QKI: variants seen among roughly 807,000 people sequenced by gnomAD.
QKI encodes QKI, KH domain containing RNA binding.
QKI carries 10 observed loss-of-function variants against 39.0 expected under a neutral mutation model. That is an observed-to-expected ratio of 0.26 (90% CI 0.16 to 0.43). The LOEUF (loss-of-function observed/expected upper bound fraction) is 0.43. Among genes scored for constraint, QKI ranks in the 20% least tolerant of loss-of-function variants. The probability of loss-of-function intolerance (pLI) is 1.00; values close to 1 mark genes in which losing one functional copy is unlikely to be tolerated. For missense variants in QKI, 218 were observed against 428.0 expected, an observed-to-expected ratio of 0.51 and a Z score of 4.33; for synonymous variants, 204 against 155.4, an observed-to-expected ratio of 1.31 and a Z score of -2.33.
intron 3 of QKI, among the ~76,000 whole-genome samples, chr6:163,490,789 C>G (rs972756240): frequency 1.3e-5 from 2 of 152,094 alleles, no homozygotes; most frequent in Non-Finnish European, 2.9e-5. Flanking sequence ...AAGAGATGGA[C>G]AGAAGTGGGA....
intron 1 of QKI, among the ~76,000 whole-genome samples, chr6:163,438,619 C>A (rs1442016476): frequency 6.6e-6 from 1 of 151,740 alleles, no homozygotes; most frequent in African/African-American, 2.4e-5. Flanking sequence ...TAGAAACATT[C>A]TAAACATAGA....
chr6:163,562,251 GATTTT>G (rs1463078343), intron 5 of QKI, among the ~76,000 whole-genome samples, 182 bp downstream of exon 5: 1 of 152,136 alleles, frequency 6.6e-6, no homozygotes, highest in Non-Finnish European at 1.5e-5. Context: ...GGACACTCTT[GATTTT>G]ATTTTATGTC....
chr6:163,564,957 C>T, intron 6 of QKI: 2 of 1,309,862 alleles, frequency 1.5e-6, no homozygotes, highest in Admixed American at 3.4e-5. Flanking sequence ...AACTGGAGAA[C>T]ACTAAGATTT....
chr6:163,569,806 AG>A (rs1413478674), intron 7 of QKI: 1 of 986,036 alleles, frequency 1.0e-6, no homozygotes, highest in Non-Finnish European at 1.2e-6. Flanking sequence ...GAATAAAGAA[AG>A]CTGTTTGTAG....
chr6:163,443,231 A>T (rs1269908036), intron 1 of QKI, among the ~76,000 whole-genome samples: 5 of 152,196 alleles, frequency 3.3e-5, no homozygotes. Flanking sequence ...TGCTTGTTGT[A>T]GTTCCTTTTG....
At chr6:163,440,952 CTTTTA>C (rs1407460731) in intron 1 of QKI, among the ~76,000 whole-genome samples, 19 of 151,500 alleles carry the variant, frequency 1.3e-4, no homozygotes, top group Admixed American at 2.6e-4. Flanking sequence ...AATTAAAAAG[CTTTTA>C]TTTTATTATG....
At chr6:163,519,456 G>A (rs778400053) in intron 3 of QKI, among the ~76,000 whole-genome samples, 14 of 151,796 alleles carry the variant, frequency 9.2e-5, no homozygotes, top group Non-Finnish European at 2.1e-4. Flanking sequence ...GCACAGTGGC[G>A]ACAGAGATGA....
chr6:163,426,725 A>C (rs1052536008), intron 1 of QKI, among the ~76,000 whole-genome samples: 2 of 152,188 alleles, frequency 1.3e-5, no homozygotes, highest in African/African-American at 4.8e-5. Flanking sequence ...ACGGAAATAC[A>C]TTGCGATTTT....
intron 4 of QKI, among the ~76,000 whole-genome samples, chr6:163,543,935 A>G (rs754545356): frequency 2.6e-5 from 4 of 152,106 alleles, no homozygotes; most frequent in Non-Finnish European, 5.9e-5. Context: ...GCTTTAACAA[A>G]CGTTAACCAG....
chr6:163,490,004 T>C (rs1777953045), intron 3 of QKI, among the ~76,000 whole-genome samples: 1 of 152,088 alleles, frequency 6.6e-6, no homozygotes, highest in African/African-American at 2.4e-5. Context: ...TTTGACGAGA[T>C]GATTAGGGAG....
intron 1 of QKI, among the ~76,000 whole-genome samples, chr6:163,428,781 A>G (rs1788605486): frequency 6.6e-6 from 1 of 152,084 alleles, no homozygotes; most frequent in Non-Finnish European, 1.5e-5. Flanking sequence ...GGCAATTTAA[A>G]ATACTCTTGC....
intron 3 of QKI, among the ~76,000 whole-genome samples, chr6:163,484,350 C>T (rs1040598959): frequency 6.6e-6 from 1 of 152,092 alleles, no homozygotes; most frequent in Non-Finnish European, 1.5e-5. Context: ...GAGGCATGCA[C>T]CACCACACCC....
intron 3 of QKI, among the ~76,000 whole-genome samples, chr6:163,491,277 A>T (rs1778038401): frequency 6.6e-6 from 1 of 152,198 alleles, no homozygotes; most frequent in Admixed American, 6.5e-5. Flanking sequence ...ACTGTCTTTT[A>T]TCAAGAGACA....
intron 2 of QKI, among the ~76,000 whole-genome samples, chr6:163,472,071 C>T (rs1036192007): frequency 9.2e-5 from 14 of 152,040 alleles, no homozygotes; most frequent in South Asian, 4.1e-4. Context: ...ACTCCCTTTG[C>T]GGTAAAAAAT....
intron 4 of QKI, among the ~76,000 whole-genome samples, chr6:163,548,952 T>A (rs1487644490): frequency 6.6e-6 from 1 of 152,222 alleles, no homozygotes; most frequent in African/African-American, 2.4e-5. Flanking sequence ...GTATCGTTTG[T>A]AACTCCAGAA....
At chr6:163,465,969 CA>C (rs764027711) in intron 2 of QKI, among the ~76,000 whole-genome samples, 31 of 150,348 alleles carry the variant, frequency 2.1e-4, no homozygotes, top group African/African-American at 6.6e-4. Flanking sequence ...ACAAAAAATA[CA>C]AAAAAAACAA....
At chr6:163,447,477 A>G (rs1790243312) in intron 1 of QKI, among the ~76,000 whole-genome samples, 2 of 152,110 alleles carry the variant, frequency 1.3e-5, no homozygotes, top group African/African-American at 2.4e-5. Context: ...GTTTGTACCT[A>G]TTAACATACT....
At chr6:163,505,667 AC>A (rs201388995) in intron 3 of QKI, among the ~76,000 whole-genome samples, 2,993 of 152,194 alleles carry the variant, frequency 0.02, 97 homozygotes, top group African/African-American at 0.068. Flanking sequence ...ATGCCTGTAC[AC>A]CCATTCTATC....
At chr6:163,417,947 T>G (rs1372399386) in intron 1 of QKI, among the ~76,000 whole-genome samples, 1 of 152,222 alleles carries the variant, frequency 6.6e-6, no homozygotes, top group Non-Finnish European at 1.5e-5. Context: ...TAATTTGACT[T>G]AAGAAAAATA....
Sources: gnomAD v4.1 joint callset for allele counts (sites outside exome capture counted in the v4.1 genomes callset) on GRCh38, gnomAD v4.1.1 for gene constraint, MANE v1.5 for transcripts, NCBI Gene and HGNC (gene_info 2026-07-23, HGNC 2026-07-21) for gene names.